The following LEPR variants were observed in gnomAD, a reference collection of about 807,000 sequenced individuals.
The protein encoded by LEPR is OB receptor.
Under a neutral mutation model 114.7 loss-of-function variants are expected in LEPR, and 56 were observed. The observed-to-expected ratio is 0.49, with a 90% CI of 0.39 to 0.61. The LOEUF is 0.61. Ranked by LOEUF, LEPR falls within the 20% of genes least tolerant of loss-of-function variation. The probability of loss-of-function intolerance (pLI) is 0.00; values close to 1 mark genes in which losing one functional copy is unlikely to be tolerated. For synonymous variants in LEPR, 443 were observed against 461.4 expected, an observed-to-expected ratio of 0.96 and a Z score of 0.51; for missense variants, 1,202 against 1,352.9, an observed-to-expected ratio of 0.89 and a Z score of 1.75.
chr1:65,575,260 T>TCTTTGCTATTA (rs1654502473), intron 5 of LEPR, among the ~76,000 whole-genome samples: 1 of 151,764 alleles, frequency 6.6e-6, no homozygotes, highest in African/African-American at 2.4e-5. Context: ...GTTTGCAGAG[T>TCTTTGCTATTA]TCCAGCCCCA....
At chr1:65,629,724 T>G in intron 19 of LEPR, among the ~76,000 whole-genome samples, 1 of 151,466 alleles carries the variant, frequency 6.6e-6, no homozygotes, top group African/African-American at 2.4e-5. Context: ...CCCCTTCTCT[T>G]CCCTCCCCTC....
intron 6 of LEPR, among the ~76,000 whole-genome samples, chr1:65,595,168 G>C (rs1396630958): frequency 2.7e-5 from 3 of 109,602 alleles, no homozygotes; most frequent in Non-Finnish European, 5.6e-5. Flanking sequence ...ACAAGAGCTT[G>C]CTGCAGGGGT....
chr1:65,450,398 G>T (rs1376856043), intron 2 of LEPR, among the ~76,000 whole-genome samples: 7 of 146,778 alleles, frequency 4.8e-5, no homozygotes, highest in Non-Finnish European at 1.1e-4. Context: ...CTAGCATTAG[G>T]TATATCTCCC....
At chr1:65,576,066 T>C (rs925732151) in intron 5 of LEPR, 2 of 152,450 alleles carry the variant, frequency 1.3e-5, no homozygotes, top group African/African-American at 2.5e-5. Context: ...TCTAAAGCCC[T>C]ACACTTCACA....
chr1:65,488,165 T>TTCCG (rs1647616139), intron 2 of LEPR, among the ~76,000 whole-genome samples: 1 of 15,872 alleles, frequency 6.3e-5, no homozygotes, highest in Non-Finnish European at 1.4e-4. Context: ...CCTTCCTTTC[T>TTCCG]TTCTTTCTTT....
intron 2 of LEPR, among the ~76,000 whole-genome samples, chr1:65,498,617 A>G (rs1648287062): frequency 6.6e-6 from 1 of 152,100 alleles, no homozygotes; most frequent in African/African-American, 2.4e-5. Flanking sequence ...AAGTGCATTT[A>G]TTATATAAAC....
chr1:65,467,874 TG>T (rs879631763), intron 2 of LEPR, among the ~76,000 whole-genome samples: 11 of 152,246 alleles, frequency 7.2e-5, no homozygotes, highest in African/African-American at 1.2e-4. Flanking sequence ...CCTGGTCTAC[TG>T]GTTGCTAAGA....
chr1:65,425,319 C>T lies in LEPR; in HGVS notation c.-80C>T, dbSNP rs865867177. The T allele has an allele frequency of 2.5e-6, 4 of 1,611,580 alleles. No homozygotes were observed. Among genetic ancestry groups the T allele is most frequent in the Non-Finnish European group, 2.5e-6 (3 of 1,179,366 alleles). On this transcript the variant is annotated 5_prime_UTR_variant, in exon 2 of 20. Transcript: ENST00000349533. Reference sequence around the variant, plus strand: ...TTTTCACAGCTCTCGTGGCATTATCCTTCAGTGGGGCTATTGGACTGACTT... The same window carrying T: ...TTTTCACAGCTCTCGTGGCATTATCTTTCAGTGGGGCTATTGGACTGACTT...
intron 7 of LEPR, 110 bp downstream of exon 7, chr1:65,596,703 C>A: frequency 2.1e-6 from 2 of 957,564 alleles, no homozygotes; most frequent in Non-Finnish European, 3.1e-6. Context: ...TCTTCTAAAG[C>A]AGAATGAATT....
intron 2 of LEPR, among the ~76,000 whole-genome samples, chr1:65,534,111 A>G (rs1316331309): frequency 1.3e-5 from 2 of 152,172 alleles, no homozygotes; most frequent in Non-Finnish European, 1.5e-5. Context: ...TACATTTAAT[A>G]CAATTACTGA....
chr1:65,443,951 CTTT>C (rs765741085), intron 2 of LEPR, among the ~76,000 whole-genome samples: 2 of 84,720 alleles, frequency 2.4e-5, no homozygotes, highest in Non-Finnish European at 2.8e-5. Context: ...AGACCTGATA[CTTT>C]TTTTTTTTTT....
chr1:65,424,846 A>G (rs1038685268), intron 1 of LEPR, among the ~76,000 whole-genome samples: 1 of 152,184 alleles, frequency 6.6e-6, no homozygotes, highest in South Asian at 2.1e-4. Flanking sequence ...CCCCACCCTC[A>G]TGACCTCATC....
chr1:65,594,115 G>A (rs1400937855), intron 6 of LEPR, among the ~76,000 whole-genome samples: 1 of 151,958 alleles, frequency 6.6e-6, no homozygotes, highest in African/African-American at 2.4e-5. Flanking sequence ...TGGTGTGATG[G>A]AGTGTCAGGG....
intron 2 of LEPR, among the ~76,000 whole-genome samples, chr1:65,548,791 G>A (rs1422487593): frequency 1.3e-5 from 2 of 152,058 alleles, no homozygotes; most frequent in Non-Finnish European, 2.9e-5. Flanking sequence ...TTTAATTGGA[G>A]CATTTAGTCC....
chr1:65,608,629 A>G, intron 11 of LEPR, 124 bp from the exon 12 acceptor site: 2 of 1,080,952 alleles, frequency 1.9e-6, no homozygotes, highest in Non-Finnish European at 2.7e-6. Context: ...TGAGATAATG[A>G]GTGAGAAAGT....
chr1:65,580,909 G>A (rs1221257231), intron 5 of LEPR, among the ~76,000 whole-genome samples: 2 of 152,148 alleles, frequency 1.3e-5, no homozygotes, highest in Non-Finnish European at 2.9e-5. Context: ...AGTTGAGTGT[G>A]GTGGGACTGG....
At chr1:65,574,875 AG>A (rs1654467495) in intron 5 of LEPR, among the ~76,000 whole-genome samples, 1 of 152,186 alleles carries the variant, frequency 6.6e-6, no homozygotes, top group Non-Finnish European at 1.5e-5. Context: ...GCAGTGTGAA[AG>A]TAATGGGTCT....
chr1:65,609,863 G>A (rs992874460), intron 12 of LEPR, 84 bp from the exon 13 acceptor site: 5 of 1,580,294 alleles, frequency 3.2e-6, no homozygotes, highest in Non-Finnish European at 4.3e-6. Flanking sequence ...ATAGTGTTAA[G>A]GTTTAAAATA....
intron 2 of LEPR, among the ~76,000 whole-genome samples, chr1:65,539,262 T>C (rs1393566150): frequency 6.6e-6 from 1 of 151,982 alleles, no homozygotes; most frequent in Non-Finnish European, 1.5e-5. Flanking sequence ...TTTTTTTTTT[T>C]TCTTTAATTT....
Sources: allele counts gnomAD v4.1 joint callset (sites outside exome capture counted in the v4.1 genomes callset), GRCh38; gene constraint gnomAD v4.1.1; transcripts MANE v1.5; gene names NCBI Gene and HGNC (gene_info 2026-07-23, HGNC 2026-07-21).